AZIN1: variants seen among roughly 807,000 people sequenced by gnomAD.
AZIN1 encodes ornithine decarboxylase antizyme inhibitor.
AZIN1 carries 12 observed loss-of-function variants against 47.4 expected under a neutral mutation model. The observed-to-expected ratio is 0.25, with a 90% CI of 0.16 to 0.41. The LOEUF (loss-of-function observed/expected upper bound fraction) is 0.41. Among genes scored for constraint, AZIN1 ranks in the 10% least tolerant of loss-of-function variants. The probability of loss-of-function intolerance (pLI) is 1.00; values close to 1 mark genes in which losing one functional copy is unlikely to be tolerated. For missense variants in AZIN1, 410 were observed against 532.4 expected, an observed-to-expected ratio of 0.77 and a Z score of 2.26; for synonymous variants, 155 against 176.3, an observed-to-expected ratio of 0.88 and a Z score of 0.96.
At chr8:102,844,460 G>A (rs1223657268) in intron 2 of AZIN1, among the ~76,000 whole-genome samples, 2 of 152,166 alleles carry the variant, frequency 1.3e-5, no homozygotes, top group African/African-American at 2.4e-5. Context: ...CTTACCTCAA[G>A]CTAAAATAGT....
rs1279528905 is a variant in AZIN1 at position 102,839,819 on chromosome 8, CCTGT to C, written c.103_106del (p.Thr35GlyfsTer14). ...ATCTCCCACAAAAAATGCATTTTTC[CCTGT>C]CTATTATGGTTATAAAAAAAAAGAC... On this transcript the variant is annotated frameshift_variant and splice_region_variant, in exon 4 of 12. Coordinates refer to ENST00000337198, the MANE Select transcript of AZIN1 (RefSeq NM_148174.4). LOFTEE classifies it high-confidence loss of function. The C allele has an allele frequency of 1.3e-6, 2 of 1,589,538 alleles. No individual in the cohort carries two copies. Among genetic ancestry groups the C allele is most frequent in the African/African-American group, 1.4e-5 (1 of 72,482 alleles).
At chr8:102,839,519 G>T in intron 4 of AZIN1, 131 bp downstream of exon 4, 1 of 619,600 alleles carries the variant, frequency 1.6e-6, no homozygotes, top group Non-Finnish European at 2.5e-6. Context: ...CATGAGGCTG[G>T]AGATTTAAAC....
At chr8:102,832,392 CT>C (rs1811516657) in intron 9 of AZIN1, among the ~76,000 whole-genome samples, 1 of 152,066 alleles carries the variant, frequency 6.6e-6, no homozygotes, top group Non-Finnish European at 1.5e-5. Flanking sequence ...TGTCTAGTGC[CT>C]TTTTGTTGGT....
chr8:102,862,520 T>C (rs1813746520), intron 1 of AZIN1, among the ~76,000 whole-genome samples: 1 of 152,210 alleles, frequency 6.6e-6, no homozygotes, highest in African/African-American at 2.4e-5. Context: ...ATGATCAGCA[T>C]CTGCACGCTC....
intron 1 of AZIN1, among the ~76,000 whole-genome samples, chr8:102,862,906 A>G (rs527555739): frequency 6.6e-6 from 1 of 152,238 alleles, no homozygotes; most frequent in South Asian, 2.1e-4. Context: ...GGGTTAGAAC[A>G]TGTTACCACC....
At chr8:102,857,638 T>C (rs1302541209) in intron 2 of AZIN1, among the ~76,000 whole-genome samples, 1 of 152,128 alleles carries the variant, frequency 6.6e-6, no homozygotes, top group Non-Finnish European at 1.5e-5. Context: ...ATCTCTATCA[T>C]CTTTCAGCAA....
At chr8:102,860,881 A>G (rs1813603722) in intron 1 of AZIN1, among the ~76,000 whole-genome samples, 1 of 152,204 alleles carries the variant, frequency 6.6e-6, no homozygotes, top group Non-Finnish European at 1.5e-5. Flanking sequence ...GGAGGGGAGT[A>G]TTCTACCAGA....
intron 8 of AZIN1, among the ~76,000 whole-genome samples, chr8:102,833,974 T>C (rs896280592): frequency 6.6e-6 from 1 of 151,546 alleles, no homozygotes; most frequent in Non-Finnish European, 1.5e-5. Context: ...ACAACTGAAA[T>C]AGAAAATGTT....
At chr8:102,848,331 A>G (rs962398274) in intron 2 of AZIN1, among the ~76,000 whole-genome samples, 46 of 149,454 alleles carry the variant, frequency 3.1e-4, no homozygotes, top group Non-Finnish European at 6.2e-4. Flanking sequence ...GCCAAAAAAA[A>G]AAAAAAAAAA....
chr8:102,836,333 C>T lies in AZIN1; in HGVS notation c.507G>A (p.Lys169=). The part of the protein sequence containing the change: ...DNIGGEEGNM[K]FGTTLKNCRH... ...TACAGTTCTTCAGGGTAGTGCCAAA[C>T]TTCATGTTACCCTCTTCACCTCCAA... is the stretch of plus-strand genomic sequence containing the variant. Residue 169 remains lysine (K), a synonymous_variant, in exon 6 of 12, where the codon AAG becomes AAA. Coordinates refer to ENST00000337198, the MANE Select transcript of AZIN1 (RefSeq NM_148174.4). The T allele has an allele frequency of 6.2e-7, 1 of 1,613,598 alleles. No homozygotes were observed. Among genetic ancestry groups the T allele is most frequent in the Non-Finnish European group, 8.5e-7 (1 of 1,179,506 alleles).
chr8:102,836,266 T>C lies in AZIN1; in HGVS notation c.574A>G (p.Ile192Val). ...ECAKELDVQI[I>V]GVKFHVSSAC... ...AAAACAAATACTCACTTAACCCCAA[T>C]TATTTGGACATCAAGTTCCTTAGCA... The change falls in exon 6 of 12, where the codon ATT (isoleucine) becomes GTT (valine). Residue 192 changes from isoleucine (I) to valine (V), a missense_variant. Coordinates refer to ENST00000337198, the MANE Select transcript of AZIN1 (RefSeq NM_148174.4). The C allele has an allele frequency of 6.2e-7, 1 of 1,613,780 alleles. No homozygotes were observed. Among genetic ancestry groups the C allele is most frequent in the African/African-American group, 1.3e-5 (1 of 75,042 alleles).
intron 5 of AZIN1, 113 bp downstream of exon 5, chr8:102,838,625 GTTATAA>G (rs1459461060): frequency 4.0e-6 from 3 of 755,486 alleles, no homozygotes; most frequent in Non-Finnish European, 6.1e-6. Context: ...CTTTAAATAA[GTTATAA>G]TTATGATACA....
intron 3 of AZIN1, among the ~76,000 whole-genome samples, chr8:102,841,672 A>C (rs144660090): frequency 0.011 from 1,660 of 152,230 alleles, 31 homozygotes; most frequent in African/African-American, 0.037. Context: ...GGTCAAGAGA[A>C]GGAGAAAATT....
Position 102,858,040 on chromosome 8 carries a change from C to G in AZIN1, c.-123G>C, listed in dbSNP as rs932607659. 15 of 398,904 alleles carry G rather than the reference C, an allele frequency of 3.8e-5. No homozygotes were observed. Among genetic ancestry groups the G allele is most frequent in the Non-Finnish European group, 6.6e-5 (15 of 226,050 alleles). 24.7% of individuals were successfully genotyped at this position (398,904 alleles called of 1,614,324 possible). On this transcript the variant is annotated 5_prime_UTR_variant, in exon 2 of 12. Transcript: ENST00000337198. ...GGACAAGTTGGGAGATGGAACCCCC[C>G]TATCATCAGCTAGGTTCCCAAGGTG...
chr8:102,863,406 C>T (rs1813877268), intron 1 of AZIN1, among the ~76,000 whole-genome samples: 1 of 151,742 alleles, frequency 6.6e-6, no homozygotes, highest in Non-Finnish European at 1.5e-5. Flanking sequence ...GACCCCGGCC[C>T]CTCAGGGCTG....
chr8:102,839,011 C>T (rs1257220824), intron 4 of AZIN1, 95 bp from the exon 5 acceptor site: 4 of 1,117,248 alleles, frequency 3.6e-6, no homozygotes, highest in Non-Finnish European at 3.8e-6. Context: ...CCTTTTAAAA[C>T]CAGGGTCTCA....
intron 9 of AZIN1, among the ~76,000 whole-genome samples, chr8:102,832,813 A>G (rs541831897): frequency 6.6e-6 from 1 of 151,918 alleles, no homozygotes; most frequent in East Asian, 1.9e-4. Flanking sequence ...GCTAAGTTTT[A>G]TATTTTTAGT....
In AZIN1 at chr8:102,858,121, G is replaced by A. The variant is rs1813406034; in HGVS notation, c.-204C>T. On this transcript the variant is annotated 5_prime_UTR_variant, in exon 2 of 12. Coordinates refer to ENST00000337198, the MANE Select transcript of AZIN1 (RefSeq NM_148174.4). Reference sequence around the variant, plus strand: ...ACAGCACTTCTCCTAGGCCCTCTGGGTAGTTGTATACTTGGTCAGAAAGTT... The same window carrying A: ...ACAGCACTTCTCCTAGGCCCTCTGGATAGTTGTATACTTGGTCAGAAAGTT... 2.5e-6 allele frequency: 1 copy of A among 398,930 alleles called. No individual in the cohort carries two copies. Among genetic ancestry groups the A allele is most frequent in the African/African-American group, 2.1e-5 (1 of 48,706 alleles). The allele number at this position is 398,930 out of a possible 1,614,324, so 24.7% of individuals were successfully genotyped here.
At chr8:102,848,486 G>A (rs1386654432) in intron 2 of AZIN1, among the ~76,000 whole-genome samples, 1 of 152,098 alleles carries the variant, frequency 6.6e-6, no homozygotes. Flanking sequence ...CTATCCTCCT[G>A]TCTCTGCCTC....
Sources: allele counts gnomAD v4.1 joint callset (sites outside exome capture counted in the v4.1 genomes callset), GRCh38; gene constraint gnomAD v4.1.1; transcripts MANE v1.5; gene names NCBI Gene and HGNC (gene_info 2026-07-23, HGNC 2026-07-21).